SLC16A8: variants seen among roughly 807,000 people sequenced by gnomAD.
The protein encoded by SLC16A8 is monocarboxylate transporter 3.
SLC16A8 carries 20 observed loss-of-function variants against 22.4 expected under a neutral mutation model. The observed-to-expected ratio is 0.89, with a 90% CI of 0.63 to 1.30. The LOEUF (loss-of-function observed/expected upper bound fraction) is 1.30, where lower values mean the gene tolerates loss of function less well. Among genes scored for constraint, SLC16A8 ranks in the 50% most tolerant of loss-of-function variants. SLC16A8 has a pLI of 0.00. For missense variants in SLC16A8, 817 were observed against 740.3 expected, an observed-to-expected ratio of 1.10 and a Z score of -1.20; for synonymous variants, 393 against 358.8, an observed-to-expected ratio of 1.10 and a Z score of -1.08.
intron 4 of SLC16A8, 23 bp from the exon 5 acceptor site, chr22:38,081,702 C>T (rs937828038): frequency 1.4e-6 from 2 of 1,478,592 alleles, no homozygotes; most frequent in Non-Finnish European, 1.8e-6. Context: ...CGGTGCTGTG[C>T]CGGGGTCCCC....
chr22:38,082,920 C>T (rs1333163848), intron 2 of SLC16A8, 39 bp from the exon 3 acceptor site: 2 of 1,220,802 alleles, frequency 1.6e-6, no homozygotes, highest in Non-Finnish European at 2.3e-6. Flanking sequence ...AGGGGCTGGG[C>T]CAGCAGCCTA....
At chr22:38,080,764 T>G in intron 5 of SLC16A8, 76 bp downstream of exon 5, 1 of 1,426,874 alleles carries the variant, frequency 7.0e-7, no homozygotes. Flanking sequence ...GGAAGTTCCA[T>G]CTGAGACAGG....
Position 38,081,875 on chromosome 22 carries a change from C to T in SLC16A8, c.358+14G>A, listed in dbSNP as rs1408189169. ...ACCCCCAACCCAGCGGAGAGGAGAC[C>T]AGGGGGCCCTCACCTGTGAGCACCC... On this transcript the variant is annotated intron_variant, in intron 4 of 5. Transcript: ENST00000681075. 3 of 1,590,526 alleles carry T rather than the reference C, an allele frequency of 1.9e-6. No homozygotes were observed. The highest frequency in any genetic ancestry group is 1.3e-5 in the African/African-American group (1 of 74,426).
rs140600747 is a variant in SLC16A8 at position 38,081,270 on chromosome 22, G to A, written c.768C>T (p.Tyr256=). Residue 256 remains tyrosine (Y), a synonymous_variant, in exon 5 of 6, where the codon TAC becomes TAT. Coordinates refer to ENST00000681075, the MANE Select transcript of SLC16A8 (RefSeq NM_013356.3). ...GCGCCATCAGGAACTTGGTGACGGC[G>A]TACACGGCGAAGGCGCGGTCGGTGC... The part of the protein sequence containing the change: ...AVCTDRAFAV[Y]AVTKFLMALG... 148 of 1,582,166 alleles carry A rather than the reference G, an allele frequency of 9.4e-5. 1 individual carries two copies. Among genetic ancestry groups the A allele is most frequent in the Non-Finnish European group, 1.1e-4 (128 of 1,164,028 alleles).
In SLC16A8 at chr22:38,078,483, C is replaced by T. The variant is rs149941944; in HGVS notation, c.1420G>A (p.Gly474Ser). The change falls in exon 6 of 6, where the codon GGC becomes AGC. Residue 474 changes from glycine to serine, a missense_variant. Coordinates refer to ENST00000681075, the MANE Select transcript of SLC16A8 (RefSeq NM_013356.3). ...EPLPVVAEEP[G>S]NLEALEVLSA... The stretch of plus-strand genomic sequence containing the variant: ...AGCACCTCCAGGGCCTCCAGGTTGC[C>T]GGGTTCCTCTGCAACAACAGGCAGG... The T allele has an allele frequency of 1.1e-4, 174 of 1,614,046 alleles. 1 individual carries two copies. The highest frequency in any genetic ancestry group is 6.6e-4 in the Middle Eastern group (4 of 6,054).
Position 38,081,003 on chromosome 22 carries a change from G to C in SLC16A8, c.1035C>G (p.Ala345=). The C allele has an allele frequency of 6.3e-7, 1 of 1,598,508 alleles. No homozygotes were observed. The highest frequency in any genetic ancestry group is 8.5e-7 in the Non-Finnish European group (1 of 1,177,924). The change falls in exon 5 of 6, where the codon GCC becomes GCG. Residue 345 remains alanine, a synonymous_variant. Transcript: ENST00000681075. ...LSSARARSYG[A]LVAFCVAFGL... is the part of the protein sequence containing the mutation. The stretch of plus-strand genomic sequence containing the variant: ...CGAAGGCGACGCAGAAGGCGACGAG[G>C]GCGCCGTAGGAGCGCGCGCGTGCGC...
At position 38,078,357 on chromosome 22, in the gene SLC16A8, C is replaced by A; in HGVS notation, c.*31G>T. The A allele has an allele frequency of 6.4e-7, 1 of 1,561,324 alleles. No individual in the cohort carries two copies. The highest frequency in any genetic ancestry group is 8.7e-7 in the Non-Finnish European group (1 of 1,155,896). ...GAGACAAGAAGCTGTGTTCCCAAGT[C>A]ACTGGGCCACCCCACCCAGAGCACC... On this transcript the variant is annotated 3_prime_UTR_variant, in exon 6 of 6. Coordinates refer to ENST00000681075, the MANE Select transcript of SLC16A8 (RefSeq NM_013356.3).
At chr22:38,079,221 C>T (rs928925113) in intron 5 of SLC16A8, among the ~76,000 whole-genome samples, 4 of 152,238 alleles carry the variant, frequency 2.6e-5, no homozygotes. Context: ...TCATTTCCTT[C>T]TCTATTTCTC....
In SLC16A8 at chr22:38,082,805, G is replaced by A. The variant is rs562785651; in HGVS notation, c.69C>T (p.Gly23=). 4.6e-5 allele frequency: 73 copies of A among 1,592,212 alleles called. 1 individual carries two copies. The African/African-American group carries it at 4.7e-4, about 10-fold the overall frequency. The change falls in exon 3 of 6, where the codon GGC becomes GGT. Residue 23 remains glycine, a synonymous_variant. Transcript: ENST00000681075. ...CGAAGCCGGTGACCACAAAGCAGGC[G>A]CCCAGCACCACCCAGCCCCAGCCGC... ...PDGGWGWVVL[G]ACFVVTGFAY... is the part of the protein sequence containing the mutation.
rs1442767675 is a variant in SLC16A8, at chr22:38,081,881, G to T, written c.358+8C>A. The T allele has an allele frequency of 6.3e-7, 1 of 1,592,524 alleles. No individual in the cohort carries two copies. The highest frequency in any genetic ancestry group is 2.3e-5 in the East Asian group (1 of 43,870). On this transcript the variant is annotated splice_region_variant and intron_variant, in intron 4 of 5. Coordinates refer to ENST00000681075, the MANE Select transcript of SLC16A8 (RefSeq NM_013356.3). ...AACCCAGCGGAGAGGAGACCAGGGG[G>T]CCCTCACCTGTGAGCACCCCAGCGG...
chr22:38,081,234 G>A lies in SLC16A8; in HGVS notation c.804C>T (p.Phe268=). The A allele has an allele frequency of 2.5e-6, 4 of 1,581,212 alleles. No homozygotes were observed. The highest frequency in any genetic ancestry group is 3.4e-6 in the Non-Finnish European group (4 of 1,164,416). ...AGTTCACCAGCAGGATGGCGGGGAC[G>A]AAGAGCCCGAGCGCCATCAGGAACT... ...VTKFLMALGL[F]VPAILLVNYA... is the part of the protein sequence containing the mutation. Residue 268 remains phenylalanine, a synonymous_variant, in exon 5 of 6, where the codon TTC becomes TTT. Transcript: ENST00000681075.
chr22:38,079,873 G>A (rs910509504), intron 5 of SLC16A8, among the ~76,000 whole-genome samples: 1 of 152,194 alleles, frequency 6.6e-6, no homozygotes, highest in Admixed American at 6.5e-5. Flanking sequence ...GCCTGGGCAG[G>A]CTGGTTTTGT....
rs762971266 is a variant in SLC16A8 at position 38,081,029 on chromosome 22, T to G, written c.1009A>C (p.Ser337Arg). The change falls in exon 5 of 6, where the codon AGC (serine) becomes CGC (arginine). Residue 337 changes from serine (S) to arginine (R), a missense_variant. Coordinates refer to ENST00000681075, the MANE Select transcript of SLC16A8 (RefSeq NM_013356.3). ...LLANGLTDLS[S>R]ARARSYGALV... ...GCGCCGTAGGAGCGCGCGCGTGCGC[T>G]GCTCAGGTCTGTGAGCCCATTGGCC... The G allele has an allele frequency of 6.3e-7, 1 of 1,595,350 alleles. No individual in the cohort carries two copies. Among genetic ancestry groups the G allele is most frequent in the East Asian group, 2.2e-5 (1 of 44,506 alleles).
At chr22:38,082,924 C>T in intron 2 of SLC16A8, 43 bp from the exon 3 acceptor site, 2 of 1,199,176 alleles carry the variant, frequency 1.7e-6, no homozygotes, top group Non-Finnish European at 2.3e-6. Flanking sequence ...GCTGGGCCAG[C>T]AGCCTAGAGA....
chr22:38,082,408 C>T (rs1463711594), intron 3 of SLC16A8, among the ~76,000 whole-genome samples: 1 of 152,260 alleles, frequency 6.6e-6, no homozygotes, highest in Non-Finnish European at 1.5e-5. Flanking sequence ...TTTCCTGCCT[C>T]TACAATGGGC....
chr22:38,080,027 G>A (rs527860443), intron 5 of SLC16A8, among the ~76,000 whole-genome samples: 5 of 152,294 alleles, frequency 3.3e-5, no homozygotes, highest in South Asian at 2.1e-4. Flanking sequence ...TGCGGCCCCC[G>A]CAAGGTGTCC....
intron 1 of SLC16A8, among the ~76,000 whole-genome samples, chr22:38,083,769 C>CT (rs1156277137): frequency 3.3e-5 from 3 of 89,626 alleles, no homozygotes; most frequent in Admixed American, 2.4e-4. Flanking sequence ...GACAGGTGCA[C>CT]CAGGAGCCGG....
intron 5 of SLC16A8, 68 bp downstream of exon 5, chr22:38,080,772 A>G (rs955926736): frequency 1.5e-5 from 21 of 1,427,572 alleles, no homozygotes; most frequent in Middle Eastern, 2.6e-4. Context: ...CATCTGAGAC[A>G]GGGGGATGGA....
chr22:38,082,785 C>T lies in SLC16A8; in HGVS notation c.89G>A (p.Gly30Asp). ...VVLGACFVVT[G>D]FAYGFPKAVS... ...GGCTTTGGGGAAGCCGTAGGCGAAG[C>T]CGGTGACCACAAAGCAGGCGCCCAG... is the stretch of plus-strand genomic sequence containing the variant. Residue 30 changes from glycine to aspartate, a missense_variant, in exon 3 of 6, where the codon GGC becomes GAC. By Grantham distance (94) the Gly-to-Asp change is moderately conservative (BLOSUM62 -1). Coordinates refer to ENST00000681075, the MANE Select transcript of SLC16A8 (RefSeq NM_013356.3). The T allele has an allele frequency of 6.3e-7, 1 of 1,596,288 alleles. No individual in the cohort carries two copies. Among genetic ancestry groups the T allele is most frequent in the South Asian group, 1.1e-5 (1 of 89,296 alleles).
Sources: gnomAD v4.1 joint callset for allele counts (sites outside exome capture counted in the v4.1 genomes callset) on GRCh38, gnomAD v4.1.1 for gene constraint, MANE v1.5 for transcripts, NCBI Gene and HGNC (gene_info 2026-07-23, HGNC 2026-07-21) for gene names.